The following CTNNA3 variants were observed in gnomAD, a reference collection of about 807,000 sequenced individuals.
CTNNA3 encodes the protein catenin alpha 3.
Under a neutral mutation model 95.7 loss-of-function variants are expected in CTNNA3, and 76 were observed. The observed-to-expected ratio is 0.79, with a 90% CI of 0.66 to 0.96. The LOEUF (loss-of-function observed/expected upper bound fraction) is 0.96, where lower values mean the gene tolerates loss of function less well. Ranked by LOEUF, CTNNA3 falls within the 40% of genes least tolerant of loss-of-function variation. The pLI is 0.00. For missense variants in CTNNA3, 1,191 were observed against 1,089.8 expected, an observed-to-expected ratio of 1.09 and a Z score of -1.31; for synonymous variants, 431 against 374.4, an observed-to-expected ratio of 1.15 and a Z score of -1.74.
At chr10:65,963,565 T>C (rs770554112) in intron 17 of CTNNA3, among the ~76,000 whole-genome samples, 1 of 152,224 alleles carries the variant, frequency 6.6e-6, no homozygotes, top group South Asian at 2.1e-4. Context: ...TGTTGTATGG[T>C]TTATTACAGT....
chr10:67,006,546 T>C lies in CTNNA3; in HGVS notation c.1047+173771A>G, dbSNP rs372215279. 2.2e-4 allele frequency among the ~76,000 whole-genome samples: 8 copies of C among 35,892 alleles called. No individual in the cohort carries two copies. In the South Asian group the frequency reaches 0.01, roughly 45 times the overall value. The allele number at this position is 35,892 out of a possible 152,430, so 23.5% of individuals were successfully genotyped here. A position where few individuals can be genotyped will look rare whatever the true frequency, so the allele number is the denominator to read the frequency against. On this transcript the variant is annotated intron_variant, in intron 7 of 17. Transcript: ENST00000433211. Reference sequence around the variant, plus strand: ...ATCCCCCAGATGTTTTCTATTCTCTTATAACTTCAACCTCTACCTGCTAAA... The same window carrying C: ...ATCCCCCAGATGTTTTCTATTCTCTCATAACTTCAACCTCTACCTGCTAAA...
intron 17 of CTNNA3, among the ~76,000 whole-genome samples, chr10:65,927,309 C>T (rs1279742036): frequency 1.3e-5 from 2 of 152,108 alleles, no homozygotes; most frequent in East Asian, 3.9e-4. Flanking sequence ...TGATTTAAAA[C>T]ATTTTATATT....
At chr10:66,201,789 T>C (rs1271245255) in intron 13 of CTNNA3, among the ~76,000 whole-genome samples, 11 of 141,462 alleles carry the variant, frequency 7.8e-5, no homozygotes, top group South Asian at 4.5e-4. Flanking sequence ...TTTTCTTTTT[T>C]TTTTTTTTTT....
intron 1 of CTNNA3, among the ~76,000 whole-genome samples, chr10:67,719,823 G>T (rs1048829619): frequency 6.6e-6 from 1 of 152,020 alleles, no homozygotes; most frequent in East Asian, 1.9e-4. Flanking sequence ...GGTCCACTTG[G>T]TCCAGAGCTG....
chr10:67,747,744 C>G (rs1841381337), intron 1 of CTNNA3, among the ~76,000 whole-genome samples: 1 of 152,190 alleles, frequency 6.6e-6, no homozygotes, highest in East Asian at 1.9e-4. Flanking sequence ...GGGGACAGAA[C>G]TGGGCAGAGG....
intron 7 of CTNNA3, among the ~76,000 whole-genome samples, chr10:67,072,103 C>A (rs1305796052): frequency 6.6e-6 from 1 of 152,132 alleles, no homozygotes; most frequent in African/African-American, 2.4e-5. Context: ...CAGACATGCA[C>A]CACCAAGCCC....
At chr10:67,009,207 T>C (rs1852181402) in intron 7 of CTNNA3, among the ~76,000 whole-genome samples, 1 of 152,172 alleles carries the variant, frequency 6.6e-6, no homozygotes, top group Non-Finnish European at 1.5e-5. Flanking sequence ...TCTTCTACTA[T>C]TTTAATATTC....
chr10:66,171,545 CA>C (rs5785752), intron 13 of CTNNA3, among the ~76,000 whole-genome samples: 24,808 of 129,392 alleles, frequency 0.19, 2,240 homozygotes, highest in Admixed American at 0.28. Flanking sequence ...GACTCCATCT[CA>C]AAAAAAAAAA....
intron 7 of CTNNA3, among the ~76,000 whole-genome samples, chr10:67,068,881 G>A (rs1856260050): frequency 6.6e-6 from 1 of 151,970 alleles, no homozygotes; most frequent in Non-Finnish European, 1.5e-5. Context: ...CCAACATGGT[G>A]AAACCCTGTC....
chr10:67,523,744 C>T (rs1295307335), intron 4 of CTNNA3, among the ~76,000 whole-genome samples: 1 of 152,098 alleles, frequency 6.6e-6, no homozygotes, highest in Admixed American at 6.5e-5. Flanking sequence ...AGTTCATTTT[C>T]CCCCACTTAT....
chr10:66,534,094 G>A (rs1841564321), intron 10 of CTNNA3, among the ~76,000 whole-genome samples: 1 of 152,080 alleles, frequency 6.6e-6, no homozygotes, highest in Admixed American at 6.6e-5. Flanking sequence ...TCCATCCTGT[G>A]CTCAACTCTA....
intron 6 of CTNNA3, among the ~76,000 whole-genome samples, chr10:67,204,736 T>C (rs1863814809): frequency 6.6e-6 from 1 of 152,098 alleles, no homozygotes; most frequent in Non-Finnish European, 1.5e-5. Context: ...CAATAAAGAT[T>C]TTAATAGACA....
At chr10:67,106,836 AT>A (rs1434198753) in intron 7 of CTNNA3, among the ~76,000 whole-genome samples, 2 of 152,190 alleles carry the variant, frequency 1.3e-5, no homozygotes, top group African/African-American at 4.8e-5. Flanking sequence ...TACATACCTA[AT>A]ATATGCCTCT....
intron 3 of CTNNA3, among the ~76,000 whole-genome samples, chr10:67,589,319 G>T (rs960132455): frequency 2.0e-5 from 3 of 152,018 alleles, no homozygotes; most frequent in Non-Finnish European, 2.9e-5. Context: ...TACTCTGGGT[G>T]CCCAGGACAT....
intron 11 of CTNNA3, among the ~76,000 whole-genome samples, chr10:66,390,052 A>T (rs2132526653): frequency 6.6e-6 from 1 of 152,334 alleles, no homozygotes; most frequent in East Asian, 1.9e-4. Flanking sequence ...CAACAGTTAA[A>T]GCCAGAATTT....
At chr10:66,418,031 A>T (rs1419414713) in intron 11 of CTNNA3, among the ~76,000 whole-genome samples, 1 of 151,684 alleles carries the variant, frequency 6.6e-6, no homozygotes, top group African/African-American at 2.4e-5. Flanking sequence ...AACTAAATGA[A>T]TCAGAAACTA....
chr10:67,365,944 C>T (rs781579336), intron 5 of CTNNA3, among the ~76,000 whole-genome samples: 5 of 152,174 alleles, frequency 3.3e-5, no homozygotes, highest in East Asian at 1.9e-4. Context: ...TATTGCGGCA[C>T]TATTCACAAT....
chr10:66,712,432 CTGA>C (rs1361504493), intron 9 of CTNNA3, among the ~76,000 whole-genome samples: 4 of 152,076 alleles, frequency 2.6e-5, no homozygotes, highest in Non-Finnish European at 2.9e-5. Context: ...TCAGCTGGTT[CTGA>C]TATTTCGATA....
chr10:67,553,908 G>C lies in CTNNA3; in HGVS notation c.293-14239C>G, dbSNP rs371046858. On this transcript the variant is annotated intron_variant, in intron 3 of 17. Transcript: ENST00000433211. ...ATATCTCCTAATGCTATCCCTCCCC[G>C]TTCCCCCAACCCCACGACAGGCCCC... Among the ~76,000 whole-genome samples the C allele has an allele frequency of 3.3e-5, 5 of 151,900 alleles. No individual in the cohort carries two copies. In the East Asian group the frequency reaches 9.7e-4, roughly 29 times the overall value.
Sources: allele counts gnomAD v4.1 joint callset (sites outside exome capture counted in the v4.1 genomes callset), GRCh38; gene constraint gnomAD v4.1.1; transcripts MANE v1.5; gene names NCBI Gene and HGNC (gene_info 2026-07-23, HGNC 2026-07-21).